FAM120C: variants seen among roughly 807,000 people sequenced by gnomAD.
The protein encoded by FAM120C is constitutive coactivator of PPAR-gamma-like protein 2.
A neutral mutation model predicts 71.2 loss-of-function variants in FAM120C; 14 were observed. That is an observed-to-expected ratio of 0.20 (90% CI 0.13 to 0.31). The LOEUF (loss-of-function observed/expected upper bound fraction) is 0.31, where lower values mean the gene tolerates loss of function less well. Ranked by LOEUF, FAM120C falls within the 10% of genes least tolerant of loss-of-function variation. The pLI is 1.00. For missense variants in FAM120C, 500 were observed against 879.0 expected (o/e 0.57, Z 5.45); for synonymous variants, 354 against 353.2 (o/e 1.00, Z -0.03).
At chrX:54,080,924 C>T (rs2066761511) in intron 14 of FAM120C, among the ~76,000 whole-genome samples, 2 of 108,708 alleles carry the variant, frequency 1.8e-5, no homozygotes, top group African/African-American at 6.7e-5. Flanking sequence ...AATCCCAGCA[C>T]TTTGGAAAGC....
intron 1 of FAM120C, among the ~76,000 whole-genome samples, chrX:54,179,990 TCTA>T (rs1226309521): frequency 5.3e-5 from 6 of 112,247 alleles, no homozygotes; most frequent in East Asian, 5.5e-4. Context: ...TGACTGAGAT[TCTA>T]CTATTTTTAC....
chrX:54,141,631 CAAG>C (rs1299539461), intron 4 of FAM120C, among the ~76,000 whole-genome samples: 2 of 108,932 alleles, frequency 1.8e-5, no homozygotes, highest in Non-Finnish European at 3.8e-5. Context: ...GCAGTATAGT[CAAG>C]AAGAAAAAGG....
chrX:54,174,081 G>A, intron 1 of FAM120C: 1 of 513,048 alleles, frequency 1.9e-6, no homozygotes, highest in Non-Finnish European at 3.5e-6. Flanking sequence ...AGTGTTGGTT[G>A]GAGGCTTCCC....
At chrX:54,134,746 T>G (rs191501005) in intron 7 of FAM120C, 85 bp downstream of exon 7, 1 of 988,396 alleles carries the variant, frequency 1.0e-6, no homozygotes, top group African/African-American at 1.9e-5. Flanking sequence ...GAATACACTT[T>G]CCCACACCCT....
chrX:54,098,470 G>T lies in FAM120C; in HGVS notation c.2313-7044C>A, dbSNP rs1470335639. Among the ~76,000 whole-genome samples the T allele has an allele frequency of 1.9e-4, 21 of 111,705 alleles. No homozygotes were observed. The Admixed American group carries it at 1.9e-3, about 10-fold the overall frequency. Reference sequence around the variant, plus strand: ...ATATCCTTTTCAACACTTGCTGGATGTCTTCTTTTTAAATCTCCCACCCGA... The same window carrying T: ...ATATCCTTTTCAACACTTGCTGGATTTCTTCTTTTTAAATCTCCCACCCGA... On this transcript the variant is annotated intron_variant, in intron 10 of 15. Transcript: ENST00000375180.
At chrX:54,164,933 T>G (rs1340006712) in intron 1 of FAM120C, among the ~76,000 whole-genome samples, 1 of 111,629 alleles carries the variant, frequency 9.0e-6, no homozygotes, top group Non-Finnish European at 1.9e-5. Context: ...TTTTGTGTGT[T>G]TTTTTTAACA....
chrX:54,100,809 A>G (rs1487018890), intron 10 of FAM120C, among the ~76,000 whole-genome samples: 3 of 112,119 alleles, frequency 2.7e-5, no homozygotes, highest in African/African-American at 9.7e-5. Context: ...CCCTGTCTGT[A>G]TGGGTGCAGA....
rs373967775 is a variant in FAM120C, at chrX:54,129,912, C to T, written c.2062+2780G>A. On this transcript the variant is annotated intron_variant, in intron 9 of 15. Transcript: ENST00000375180. ...GCGCGCGCCTGCAATCGCAGGCACT[C>T]GGCAGGCTGAGGCAGGAGAATCAGG... Among the ~76,000 whole-genome samples the T allele has an allele frequency of 1.1e-4, 12 of 109,337 alleles. No individual in the cohort carries two copies. The East Asian group carries it at 3.2e-3, about 29-fold the overall frequency. The allele number at this position is 109,337 out of a possible 115,157, so 94.9% of individuals were successfully genotyped here.
chrX:54,142,370 T>A (rs1286277267), intron 4 of FAM120C, among the ~76,000 whole-genome samples: 1 of 111,695 alleles, frequency 9.0e-6, no homozygotes, highest in African/African-American at 3.2e-5. Context: ...ATCGGGACAC[T>A]CCCACCCTAA....
At chrX:54,087,415 GAGAC>G (rs2066800451) in intron 12 of FAM120C, among the ~76,000 whole-genome samples, 2 of 109,722 alleles carry the variant, frequency 1.8e-5, no homozygotes, top group Middle Eastern at 4.7e-3. Flanking sequence ...GCTTGCAAAA[GAGAC>G]AGACAGTTTT....
intron 10 of FAM120C, among the ~76,000 whole-genome samples, chrX:54,096,824 A>C (rs2146571150): frequency 8.9e-6 from 1 of 111,807 alleles, no homozygotes; most frequent in East Asian, 2.8e-4. Flanking sequence ...ATTGGGTCGT[A>C]GGTTATATTC....
chrX:54,118,321 G>A (rs1557127000), intron 9 of FAM120C, among the ~76,000 whole-genome samples: 1 of 109,952 alleles, frequency 9.1e-6, no homozygotes, highest in East Asian at 2.8e-4. Flanking sequence ...TTTTTTTGCT[G>A]AGTAATATTC....
At chrX:54,164,892 A>G (rs989212204) in intron 1 of FAM120C, among the ~76,000 whole-genome samples, 1 of 112,231 alleles carries the variant, frequency 8.9e-6, no homozygotes, top group Non-Finnish European at 1.9e-5. Context: ...TAAGGGTTCC[A>G]ATTTATCCAC....
intron 4 of FAM120C, among the ~76,000 whole-genome samples, chrX:54,137,228 C>T (rs1557130738): frequency 4.5e-5 from 5 of 111,641 alleles, no homozygotes; most frequent in African/African-American, 1.6e-4. Flanking sequence ...GCTGGGATTA[C>T]AGGCGTAAGC....
At chrX:54,117,159 G>A (rs1372231732) in intron 9 of FAM120C, among the ~76,000 whole-genome samples, 3 of 107,241 alleles carry the variant, frequency 2.8e-5, no homozygotes, top group African/African-American at 1.0e-4. Flanking sequence ...AGGAGTACAA[G>A]ACCAGCCCCG....
At chrX:54,096,589 G>A (rs782580959) in intron 10 of FAM120C, among the ~76,000 whole-genome samples, 4 of 110,811 alleles carry the variant, frequency 3.6e-5, no homozygotes, top group African/African-American at 9.8e-5. Flanking sequence ...ATTATACTAT[G>A]AGAACTTTTT....
At chrX:54,153,550 G>C (rs909946760) in intron 3 of FAM120C, among the ~76,000 whole-genome samples, 35 of 107,716 alleles carry the variant, frequency 3.2e-4, no homozygotes, top group African/African-American at 1.1e-3. Flanking sequence ...TAAGGTTACA[G>C]GCACACAACA....
chrX:54,152,910 T>C (rs1181076811), intron 3 of FAM120C, among the ~76,000 whole-genome samples: 2 of 111,435 alleles, frequency 1.8e-5, no homozygotes, highest in African/African-American at 6.5e-5. Flanking sequence ...AAATGTATAG[T>C]GTAGGCTGGG....
chrX:54,142,223 A>G (rs1227562765), intron 4 of FAM120C, among the ~76,000 whole-genome samples: 1 of 111,698 alleles, frequency 9.0e-6, no homozygotes, highest in Non-Finnish European at 1.9e-5. Context: ...GGTTCATCTC[A>G]CTGGGGCTTG....
Sources: allele counts gnomAD v4.1 joint callset (sites outside exome capture counted in the v4.1 genomes callset), GRCh38; gene constraint gnomAD v4.1.1; transcripts MANE v1.5; gene names NCBI Gene and HGNC (gene_info 2026-07-23, HGNC 2026-07-21).